PRKN: variants seen among roughly 807,000 people sequenced by gnomAD.
PRKN encodes the protein parkin RBR E3 ubiquitin protein ligase.
Under a neutral mutation model 59.5 loss-of-function variants are expected in PRKN, and 56 were observed. The ratio of observed to expected loss-of-function variants is 0.94; its 90% confidence interval spans 0.76 to 1.18. The LOEUF is 1.18. Ranked by LOEUF, PRKN falls within the 50% of genes most tolerant of loss-of-function variation. The probability of loss-of-function intolerance (pLI) is 0.00; values close to 1 mark genes in which losing one functional copy is unlikely to be tolerated. For synonymous variants in PRKN, 250 were observed against 222.1 expected, an observed-to-expected ratio of 1.13 and a Z score of -1.12; for missense variants, 657 against 596.4, an observed-to-expected ratio of 1.10 and a Z score of -1.06.
chr6:161,652,534 C>A (rs1349562831), intron 7 of PRKN, among the ~76,000 whole-genome samples: 1 of 152,180 alleles, frequency 6.6e-6, no homozygotes, highest in Non-Finnish European at 1.5e-5. Context: ...CTAGTTTTAT[C>A]ATTACATTCT....
intron 3 of PRKN, among the ~76,000 whole-genome samples, chr6:162,243,075 T>C (rs1683800543): frequency 1.3e-5 from 2 of 152,028 alleles, no homozygotes; most frequent in African/African-American, 2.4e-5. Flanking sequence ...AGCACTGTTC[T>C]CATCAGAGCT....
chr6:161,817,524 G>A (rs956267744), intron 6 of PRKN, among the ~76,000 whole-genome samples: 8 of 152,188 alleles, frequency 5.3e-5, no homozygotes, highest in African/African-American at 1.9e-4. Context: ...AAGTGATGTT[G>A]AGACTAGATA....
At chr6:162,343,106 A>C (rs1248755270) in intron 2 of PRKN, among the ~76,000 whole-genome samples, 2 of 152,172 alleles carry the variant, frequency 1.3e-5, no homozygotes, top group African/African-American at 2.4e-5. Flanking sequence ...CTGCAATGCT[A>C]AATAAATATT....
intron 3 of PRKN, among the ~76,000 whole-genome samples, chr6:162,232,878 A>G (rs939306852): frequency 3.3e-5 from 5 of 152,170 alleles, no homozygotes; most frequent in Non-Finnish European, 7.3e-5. Flanking sequence ...CAGATTGGAG[A>G]ATTTCTGATG....
At chr6:162,112,259 A>G (rs888817563) in intron 4 of PRKN, among the ~76,000 whole-genome samples, 2 of 152,084 alleles carry the variant, frequency 1.3e-5, no homozygotes, top group African/African-American at 4.8e-5. Flanking sequence ...TAAAGACCAG[A>G]CCTCTTCATG....
chr6:162,130,067 C>A (rs2023051), intron 4 of PRKN, among the ~76,000 whole-genome samples: 133,397 of 152,064 alleles, frequency 0.88, 58,981 homozygotes, highest in Non-Finnish European at 0.92. Context: ...AGCTCTCCAA[C>A]ACAAGGCTCC....
At chr6:162,012,956 A>AT (rs1782792238) in intron 5 of PRKN, among the ~76,000 whole-genome samples, 1 of 152,066 alleles carries the variant, frequency 6.6e-6, no homozygotes, top group Non-Finnish European at 1.5e-5. Flanking sequence ...CCTGATTTTT[A>AT]TTTTTATGTT....
intron 6 of PRKN, among the ~76,000 whole-genome samples, chr6:161,915,872 G>A (rs1778536374): frequency 6.6e-6 from 1 of 152,168 alleles, no homozygotes; most frequent in African/African-American, 2.4e-5. Context: ...ATGCACACAA[G>A]AGAGGGTCCC....
intron 1 of PRKN, among the ~76,000 whole-genome samples, chr6:162,609,149 C>A (rs1782038554): frequency 6.6e-6 from 1 of 152,184 alleles, no homozygotes. Flanking sequence ...CTTTCATGTA[C>A]AGAAGATAAA....
At chr6:162,124,664 A>G (rs2128306411) in intron 4 of PRKN, among the ~76,000 whole-genome samples, 1 of 152,294 alleles carries the variant, frequency 6.6e-6, no homozygotes, top group Non-Finnish European at 1.5e-5. Context: ...CATTTTCACA[A>G]GCAAGTGAGA....
Position 161,386,943 on chromosome 6 carries a change from CT to C in PRKN, c.1084-67del, listed in dbSNP as rs2114944051. The C allele has an allele frequency of 7.7e-7, 1 of 1,300,160 alleles. No homozygotes were observed. The highest frequency in any genetic ancestry group is 1.1e-6 in the Non-Finnish European group (1 of 893,770). 80.5% of individuals were successfully genotyped at this position (1,300,160 alleles called of 1,614,324 possible). A position where few individuals can be genotyped will look rare whatever the true frequency, so the allele number is the denominator to read the frequency against. The stretch of plus-strand genomic sequence containing the variant: ...TGCATTTGGCAATAACACATTTTTC[CT>C]TTTCCAAATTCATTATATTCATTCC... On this transcript the variant is annotated intron_variant, in intron 9 of 11. Coordinates refer to ENST00000366898, the MANE Select transcript of PRKN (RefSeq NM_004562.3). This position sits in a 1 kb window ranked among gnomAD's most constrained non-coding sequence, Gnocchi z 4.3.
At chr6:162,022,160 T>A (rs889587525) in intron 5 of PRKN, among the ~76,000 whole-genome samples, 8 of 152,142 alleles carry the variant, frequency 5.3e-5, no homozygotes, top group Non-Finnish European at 2.9e-5. Context: ...AATAAACATA[T>A]GAGTTTTTGA....
chr6:161,627,389 TAC>T (rs1165019964), intron 7 of PRKN, among the ~76,000 whole-genome samples: 1 of 152,238 alleles, frequency 6.6e-6, no homozygotes, highest in Non-Finnish European at 1.5e-5. Context: ...TGGAATATGG[TAC>T]ACACATCACT....
In PRKN at chr6:161,592,856, T is replaced by C. The variant is rs1175188817; in HGVS notation, c.872-23440A>G. On this transcript the variant is annotated intron_variant, in intron 7 of 11. Transcript: ENST00000366898. The surrounding 1 kb of genome is among the most constrained non-coding windows in gnomAD (Gnocchi z 4.8). The stretch of plus-strand genomic sequence containing the variant: ...AGAGGCAGGAGGTCACCGCAGGACC[T>C]GAAGGAAATGACTCCTGGCCAGGGG... Among the ~76,000 whole-genome samples the C allele has an allele frequency of 6.6e-6, 1 of 152,090 alleles. No homozygotes were observed. Among genetic ancestry groups the C allele is most frequent in the Non-Finnish European group, 1.5e-5 (1 of 68,012 alleles).
At chr6:162,590,798 C>A (rs973704475) in intron 1 of PRKN, among the ~76,000 whole-genome samples, 3 of 152,146 alleles carry the variant, frequency 2.0e-5, no homozygotes, top group Non-Finnish European at 4.4e-5. Flanking sequence ...AAAACACCGC[C>A]ATGACCCGGC....
In PRKN at chr6:162,604,680, C is replaced by G. The variant is rs570541299; in HGVS notation, c.7+122982G>C. On this transcript the variant is annotated intron_variant, in intron 1 of 11. Coordinates refer to ENST00000366898, the MANE Select transcript of PRKN (RefSeq NM_004562.3). ...AACAATAGCCTTTTCCCCACAGGCC[C>G]TGTTTCTTTCTCTCTCCTTTTTTTT... is the stretch of plus-strand genomic sequence containing the variant. 4.4e-4 allele frequency among the ~76,000 whole-genome samples: 65 copies of G among 149,046 alleles called. 3 individuals carry two copies. Among genetic ancestry groups the G allele is most frequent in the Admixed American group, 6.9e-5 (1 of 14,580 alleles).
chr6:162,122,283 G>A (rs1278133895), intron 4 of PRKN, among the ~76,000 whole-genome samples: 2 of 152,286 alleles, frequency 1.3e-5, no homozygotes, highest in East Asian at 3.9e-4. Context: ...CAACACTCCT[G>A]TGTGCTCATC....
intron 1 of PRKN, among the ~76,000 whole-genome samples, chr6:162,544,801 C>T (rs1779055905): frequency 6.7e-6 from 1 of 149,908 alleles, no homozygotes; most frequent in African/African-American, 2.4e-5. Flanking sequence ...CCTCGGCCTC[C>T]TGAGTAGCTG....
In PRKN at chr6:162,151,572, T is replaced by C. The variant is rs561282807; in HGVS notation, c.534+49559A>G. ...AGCAGCCACAAGAAAACTGAGTTAG[T>C]GACGATTTATAATGTGATATTTTGA... On this transcript the variant is annotated intron_variant, in intron 4 of 11. Coordinates refer to ENST00000366898, the MANE Select transcript of PRKN (RefSeq NM_004562.3). Among the ~76,000 whole-genome samples, 19 of 152,268 alleles carry C rather than the reference T, an allele frequency of 1.2e-4. 1 individual carries two copies. Among genetic ancestry groups the C allele is most frequent in the Middle Eastern group, 6.8e-3 (2 of 294 alleles).
Sources: gnomAD v4.1 joint callset for allele counts (sites outside exome capture counted in the v4.1 genomes callset) on GRCh38, gnomAD v4.1.1 for gene constraint, Gnocchi (gnomAD v3.1) non-coding constraint, MANE v1.5 for transcripts, NCBI Gene and HGNC (gene_info 2026-07-23, HGNC 2026-07-21) for gene names.